TSPEAR: variants seen among roughly 807,000 people sequenced by gnomAD.
TSPEAR encodes the protein thrombospondin-type laminin G domain and EAR repeat-containing protein.
In TSPEAR, 69 loss-of-function variants were observed where a neutral mutation model predicts 71.6. That is an observed-to-expected ratio of 0.96 (90% CI 0.79 to 1.18). The LOEUF is 1.18. Ranked by LOEUF, TSPEAR falls within the 50% of genes most tolerant of loss-of-function variation. The pLI is 0.00. For missense variants in TSPEAR, 971 were observed against 894.9 expected, an observed-to-expected ratio of 1.09 and a Z score of -1.09; for synonymous variants, 402 against 387.2, an observed-to-expected ratio of 1.04 and a Z score of -0.45.
At chr21:44,646,918 C>T (rs782199792) in intron 1 of TSPEAR, 14 of 1,611,750 alleles carry the variant, frequency 8.7e-6, no homozygotes, top group Admixed American at 1.7e-5. Flanking sequence ...CTGCTGCAAG[C>T]CTGTGTGCTG....
At chr21:44,600,957 C>G in intron 1 of TSPEAR, 1 of 1,610,770 alleles carries the variant, frequency 6.2e-7, no homozygotes, top group Non-Finnish European at 8.5e-7. Context: ...GCTGCGTGCC[C>G]GTCTGCTGCA....
rs879949832 is a variant in TSPEAR at position 44,539,805 on chromosome 21, T to C, written c.304-5882A>G. On this transcript the variant is annotated intron_variant, in intron 2 of 11. Transcript: ENST00000323084. ...TGCTGGCAGCATGAAGAGGAATCCT[T>C]AGAGCAGGTGGGCAGGCAGCACACA... is the stretch of plus-strand genomic sequence containing the variant. The C allele has an allele frequency of 5.7e-6, 9 of 1,587,914 alleles. No homozygotes were observed. The African/African-American group carries it at 7.5e-5, about 13-fold the overall frequency.
chr21:44,540,748 C>T lies in TSPEAR; in HGVS notation c.304-6825G>A, dbSNP rs139679036. Among the ~76,000 whole-genome samples, 1,350 of 152,304 alleles carry T rather than the reference C, an allele frequency of 8.9e-3. 21 individuals carry two copies. The highest frequency in any genetic ancestry group is 0.031 in the African/African-American group (1,295 of 41,562). ...CCCATCACTGAAGAAATTAGAGCCCCAAACAGGGAGAAGGGGAGCAAGGAA... is the reference window on the plus strand; with the variant it reads ...CCCATCACTGAAGAAATTAGAGCCCTAAACAGGGAGAAGGGGAGCAAGGAA... On this transcript the variant is annotated intron_variant, in intron 2 of 11. Transcript: ENST00000323084.
At chr21:44,511,939 G>C (rs1268434369) in intron 9 of TSPEAR, among the ~76,000 whole-genome samples, 1 of 152,252 alleles carries the variant, frequency 6.6e-6, no homozygotes, top group Non-Finnish European at 1.5e-5. Context: ...TGCCCTCCCT[G>C]CCCAAAGGAG....
chr21:44,554,382 A>G (rs1423231973), intron 2 of TSPEAR, among the ~76,000 whole-genome samples: 1 of 152,182 alleles, frequency 6.6e-6, no homozygotes, highest in Non-Finnish European at 1.5e-5. Context: ...GTCCACGGCA[A>G]TTTGTTATAG....
At chr21:44,531,186 T>C in intron 3 of TSPEAR, 53 bp from the exon 4 acceptor site, 1 of 1,447,938 alleles carries the variant, frequency 6.9e-7, no homozygotes, top group East Asian at 2.3e-5. Flanking sequence ...TCACCCCAGT[T>C]TACTCACAGA....
intron 2 of TSPEAR, chr21:44,550,763 G>A: frequency 6.2e-7 from 1 of 1,614,214 alleles, no homozygotes; most frequent in Non-Finnish European, 8.5e-7. Flanking sequence ...GGCAGAGGAG[G>A]GACACAGAGG....
chr21:44,569,714 G>A (rs1277190094), intron 1 of TSPEAR, among the ~76,000 whole-genome samples: 1 of 152,186 alleles, frequency 6.6e-6, no homozygotes, highest in Non-Finnish European at 1.5e-5. Context: ...AAGACCCTGA[G>A]TTATAAAACA....
In TSPEAR at chr21:44,675,867, CT is replaced by C. The variant is rs1296175861; in HGVS notation, c.82+35565del. On this transcript the variant is annotated intron_variant, in intron 1 of 11. Coordinates refer to ENST00000323084, the MANE Select transcript of TSPEAR (RefSeq NM_144991.3). ...CGACTTTACGAAAATCTTCCTAGACCTTACTCTGGCTGTACTTGAGTGGTTC... is the reference window on the plus strand; with the variant it reads ...CGACTTTACGAAAATCTTCCTAGACCTACTCTGGCTGTACTTGAGTGGTTC... The C allele has an allele frequency of 1.0e-5, 7 of 689,458 alleles. 1 individual carries two copies. The highest frequency in any genetic ancestry group is 5.3e-5 in the African/African-American group (3 of 56,304). 42.7% of individuals were successfully genotyped at this position (689,458 alleles called of 1,614,324 possible).
chr21:44,510,425 A>G lies in TSPEAR; in HGVS notation c.1567-1039T>C, dbSNP rs115395538. Among the ~76,000 whole-genome samples the G allele has an allele frequency of 5.1e-3, 776 of 152,288 alleles. 8 individuals carry two copies. The highest frequency in any genetic ancestry group is 0.018 in the African/African-American group (755 of 41,580). On this transcript the variant is annotated intron_variant, in intron 9 of 11. Transcript: ENST00000323084. ...CTGAGAGCCTCCCGTGACAGCAACC[A>G]CTGGGACGTTTTCTATTTGCCCAAA...
chr21:44,588,390 A>G (rs233288), intron 1 of TSPEAR, among the ~76,000 whole-genome samples: 139,943 of 152,158 alleles, frequency 0.92, 64,462 homozygotes, highest in Non-Finnish European at 0.94. Context: ...ATGCTGGCAC[A>G]GATGTGGTGA....
At chr21:44,701,156 C>A (rs953767271) in intron 1 of TSPEAR, among the ~76,000 whole-genome samples, 34 of 152,222 alleles carry the variant, frequency 2.2e-4, no homozygotes, top group African/African-American at 7.7e-4. Flanking sequence ...TTGTACATAT[C>A]CATGGAGTTC....
chr21:44,677,684 A>G, intron 1 of TSPEAR: 4 of 1,411,518 alleles, frequency 2.8e-6, no homozygotes, highest in Non-Finnish European at 4.0e-6. Context: ...AAGCTGGAGT[A>G]TCTCCCTTTT....
chr21:44,632,962 A>T lies in TSPEAR; in HGVS notation c.83-64957T>A, dbSNP rs587719819. On this transcript the variant is annotated intron_variant, in intron 1 of 11. Transcript: ENST00000323084. ...GTTATCTACATTATGAATGTATTTA[A>T]TATCACTAAACATGCTTAAATGGAA... is the stretch of plus-strand genomic sequence containing the variant. 3.3e-5 allele frequency among the ~76,000 whole-genome samples: 5 copies of T among 152,240 alleles called. No individual in the cohort carries two copies. The South Asian group carries it at 1.0e-3, about 31-fold the overall frequency.
At chr21:44,594,712 C>G (rs993495983) in intron 1 of TSPEAR, among the ~76,000 whole-genome samples, 1 of 152,134 alleles carries the variant, frequency 6.6e-6, no homozygotes, top group Non-Finnish European at 1.5e-5. Flanking sequence ...TCCTGGCTCT[C>G]GTCTTGGCCA....
chr21:44,544,781 G>C (rs918306259), intron 2 of TSPEAR, among the ~76,000 whole-genome samples: 1 of 152,118 alleles, frequency 6.6e-6, no homozygotes, highest in Non-Finnish European at 1.5e-5. Flanking sequence ...AGGAACGGAG[G>C]CTAATGAGGA....
chr21:44,693,701 G>A (rs1987211745), intron 1 of TSPEAR, among the ~76,000 whole-genome samples: 1 of 149,782 alleles, frequency 6.7e-6, no homozygotes, highest in African/African-American at 2.5e-5. Context: ...GGAGAAATTG[G>A]AACCCTCATA....
rs142553247 is a variant in TSPEAR, at chr21:44,563,050, T to C, written c.303+4735A>G. The stretch of plus-strand genomic sequence containing the variant: ...GGTATATTTGGTGTTGTTGGGCCTA[T>C]AACATATAGAAATCTAATATATTTG... On this transcript the variant is annotated intron_variant, in intron 2 of 11. Transcript: ENST00000323084. Among the ~76,000 whole-genome samples, 72 of 152,266 alleles carry C rather than the reference T, an allele frequency of 4.7e-4. 1 individual carries two copies. The East Asian group carries it at 0.011, about 23-fold the overall frequency.
chr21:44,550,724 G>T, intron 2 of TSPEAR: 2 of 1,614,062 alleles, frequency 1.2e-6, no homozygotes. Flanking sequence ...AGGAAAAGCT[G>T]CAGGAGGCTG....
Sources: gnomAD v4.1 joint callset for allele counts (sites outside exome capture counted in the v4.1 genomes callset) on GRCh38, gnomAD v4.1.1 for gene constraint, MANE v1.5 for transcripts, NCBI Gene and HGNC (gene_info 2026-07-23, HGNC 2026-07-21) for gene names.